The following CAMK1D variants were observed in gnomAD, a reference collection of about 807,000 sequenced individuals.
The protein encoded by CAMK1D is calcium/calmodulin dependent protein kinase ID, also known as calcium/calmodulin-dependent protein kinase type 1D.
In CAMK1D, 9 loss-of-function variants were observed where a neutral mutation model predicts 47.7. The observed-to-expected ratio is 0.19, with a 90% confidence interval of 0.11 to 0.33. CAMK1D has a LOEUF of 0.33. Among genes scored for constraint, CAMK1D ranks in the 10% least tolerant of loss-of-function variants. CAMK1D has a pLI of 1.00. For synonymous variants in CAMK1D, 184 were observed against 184.9 expected (o/e 0.99, Z 0.04); for missense variants, 291 against 488.7 (o/e 0.60, Z 3.81).
chr10:12,767,700 A>C (rs117952950), intron 4 of CAMK1D, among the ~76,000 whole-genome samples: 2 of 152,208 alleles, frequency 1.3e-5, no homozygotes, highest in East Asian at 3.9e-4. Flanking sequence ...TCTTAGGTAG[A>C]TAAGAGACAA....
At chr10:12,671,328 C>T (rs72771775) in intron 3 of CAMK1D, among the ~76,000 whole-genome samples, 41,539 of 151,132 alleles carry the variant, frequency 0.27, 6,365 homozygotes, top group South Asian at 0.39. Context: ...AGTGAAATTG[C>T]CGGGTCGAAT....
intron 1 of CAMK1D, among the ~76,000 whole-genome samples, chr10:12,533,661 C>A (rs1835877879): frequency 6.6e-6 from 1 of 152,078 alleles, no homozygotes; most frequent in Non-Finnish European, 1.5e-5. Flanking sequence ...TCCAGTCTAC[C>A]CAGGTCACTT....
chr10:12,418,888 A>G (rs1216391470), intron 1 of CAMK1D, among the ~76,000 whole-genome samples: 1 of 152,182 alleles, frequency 6.6e-6, no homozygotes, highest in Non-Finnish European at 1.5e-5. Flanking sequence ...TGTCCTGCAG[A>G]GTGGCCATAG....
chr10:12,581,375 A>G (rs888664347), intron 2 of CAMK1D, among the ~76,000 whole-genome samples: 3 of 152,148 alleles, frequency 2.0e-5, no homozygotes, highest in Non-Finnish European at 2.9e-5. Flanking sequence ...TTTTTGTACA[A>G]TGACTTCTTT....
At chr10:12,710,929 C>G (rs1833915209) in intron 3 of CAMK1D, among the ~76,000 whole-genome samples, 1 of 152,176 alleles carries the variant, frequency 6.6e-6, no homozygotes, top group Non-Finnish European at 1.5e-5. Context: ...TTTTCATCAA[C>G]TTGTTCAGAC....
chr10:12,828,806 T>C lies in CAMK1D; in HGVS notation c.1077T>C (p.Ser359=), dbSNP rs767037981. Residue 359 remains serine (S), a synonymous_variant, in exon 11 of 11, where the codon TCT becomes TCC. Transcript: ENST00000619168. The part of the protein sequence containing the change: ...APSTLCSFIS[S]SSGVSGVGAE... Reference sequence around the variant, plus strand: ...CCACGCTCTGTAGTTTCATTTCTTCTTCGTCGGGGGTCTCAGGAGTTGGAG... The same window carrying C: ...CCACGCTCTGTAGTTTCATTTCTTCCTCGTCGGGGGTCTCAGGAGTTGGAG... 2 of 1,613,898 alleles carry C rather than the reference T, an allele frequency of 1.2e-6. No homozygotes were observed. Among genetic ancestry groups the C allele is most frequent in the Non-Finnish European group, 1.7e-6 (2 of 1,179,916 alleles).
chr10:12,375,048 C>T lies in CAMK1D; in HGVS notation c.92+25138C>T, dbSNP rs143344103. 2.2e-3 allele frequency among the ~76,000 whole-genome samples: 332 copies of T among 152,090 alleles called. 1 individual carries two copies. The highest frequency in any genetic ancestry group is 7.5e-3 in the African/African-American group (311 of 41,492). ...CTGGCCTCAAGTGATTCTCCCACCT[C>T]GGCCTTCCAAAGTTCTGGGATTATA... On this transcript the variant is annotated intron_variant, in intron 1 of 10. Transcript: ENST00000619168.
chr10:12,598,725 G>T (rs1215593681), intron 2 of CAMK1D, among the ~76,000 whole-genome samples: 1 of 152,214 alleles, frequency 6.6e-6, no homozygotes, highest in East Asian at 1.9e-4. Flanking sequence ...CCTTTACTTT[G>T]AGGTGGTCCA....
intron 1 of CAMK1D, among the ~76,000 whole-genome samples, chr10:12,368,666 C>T (rs1564296854): frequency 6.6e-6 from 1 of 151,688 alleles, no homozygotes; most frequent in Non-Finnish European, 1.5e-5. Flanking sequence ...GTGGTTCACA[C>T]CTGTAATCCT....
At position 12,825,668 on chromosome 10, in the gene CAMK1D, C is replaced by G; in HGVS notation, c.1017C>G (p.Leu339=). Residue 339 remains leucine, a synonymous_variant, in exon 10 of 11, where the codon CTC becomes CTG. Transcript: ENST00000619168. ...CAAATGCAAGTGTTTCGAGCAGCCT[C>G]AGTTTGGCCAGCCAAAAAGACTGTG... ...DSSNASVSSS[L]SLASQKDCLA... is the part of the protein sequence containing the mutation. The G allele has an allele frequency of 6.2e-7, 1 of 1,614,256 alleles. No individual in the cohort carries two copies. Among genetic ancestry groups the G allele is most frequent in the Non-Finnish European group, 8.5e-7 (1 of 1,180,050 alleles).
At chr10:12,462,456 G>A (rs192314396) in intron 1 of CAMK1D, among the ~76,000 whole-genome samples, 27 of 141,404 alleles carry the variant, frequency 1.9e-4, no homozygotes, top group Non-Finnish European at 3.1e-4. Context: ...GAGCCACTGC[G>A]CCTGGCCAAG....
intron 1 of CAMK1D, among the ~76,000 whole-genome samples, chr10:12,500,649 G>A (rs1564375213): frequency 6.6e-6 from 1 of 152,228 alleles, no homozygotes; most frequent in Non-Finnish European, 1.5e-5. Context: ...ACGAGTTGCT[G>A]AACCTTTCTG....
chr10:12,352,031 T>A (rs576038524), intron 1 of CAMK1D, among the ~76,000 whole-genome samples: 1 of 152,334 alleles, frequency 6.6e-6, no homozygotes, highest in South Asian at 2.1e-4. Context: ...CTACGTGCCT[T>A]ATGTGTATTA....
chr10:12,398,860 A>G (rs1588442390), intron 1 of CAMK1D, among the ~76,000 whole-genome samples: 1 of 152,110 alleles, frequency 6.6e-6, no homozygotes, highest in Non-Finnish European at 1.5e-5. Flanking sequence ...GGAGGTCAGA[A>G]TTAGTCCTTT....
At chr10:12,582,852 C>G (rs1421985228) in intron 2 of CAMK1D, among the ~76,000 whole-genome samples, 1 of 152,192 alleles carries the variant, frequency 6.6e-6, no homozygotes, top group African/African-American at 2.4e-5. Context: ...AAATTAAACA[C>G]CCACTGTTTA....
At chr10:12,524,362 G>A (rs1291758267) in intron 1 of CAMK1D, among the ~76,000 whole-genome samples, 1 of 152,166 alleles carries the variant, frequency 6.6e-6, no homozygotes. Context: ...AAATAGACTT[G>A]TTTAGTGTTT....
At chr10:12,362,013 C>T (rs555333366) in intron 1 of CAMK1D, among the ~76,000 whole-genome samples, 1 of 152,224 alleles carries the variant, frequency 6.6e-6, no homozygotes, top group East Asian at 1.9e-4. Context: ...TTTCTTTCTT[C>T]CCCCTTCTTT....
At chr10:12,572,165 C>T (rs1837348684) in intron 2 of CAMK1D, among the ~76,000 whole-genome samples, 1 of 151,996 alleles carries the variant, frequency 6.6e-6, no homozygotes, top group East Asian at 1.9e-4. Context: ...TGCTTTGGCT[C>T]TACGTCCCCA....
chr10:12,580,998 T>A (rs1378450020), intron 2 of CAMK1D, among the ~76,000 whole-genome samples: 1 of 152,152 alleles, frequency 6.6e-6, no homozygotes, highest in Non-Finnish European at 1.5e-5. Flanking sequence ...ATCTGAGCAG[T>A]GTACACTGTA....
Sources: gnomAD v4.1 joint callset for allele counts (sites outside exome capture counted in the v4.1 genomes callset) on GRCh38, gnomAD v4.1.1 for gene constraint, MANE v1.5 for transcripts, NCBI Gene and HGNC (gene_info 2026-07-23, HGNC 2026-07-21) for gene names.